The following MED1 variants were observed in gnomAD, a reference collection of about 807,000 sequenced individuals.
MED1 encodes mediator of RNA polymerase II transcription subunit 1.
Under a neutral mutation model 121.3 loss-of-function variants are expected in MED1, and 17 were observed. The observed-to-expected ratio is 0.14, with a 90% CI of 0.10 to 0.21. The LOEUF is 0.21. Among genes scored for constraint, MED1 ranks in the 10% least tolerant of loss-of-function variants. MED1 has a pLI of 1.00. For synonymous variants in MED1, 661 were observed against 694.4 expected (o/e 0.95, Z 0.76); for missense variants, 1,558 against 1,919.4 (o/e 0.81, Z 3.52).
Position 39,405,890 on chromosome 17 carries a change from A to C in MED1, c.*1585T>G. On this transcript the variant is annotated 3_prime_UTR_variant, in exon 17 of 17. Transcript: ENST00000300651. ...ATGAAGTCACTCCACTTACGACATAACACACAAAGGAATCACCTGGCTTTT... is the reference window on the plus strand; with the variant it reads ...ATGAAGTCACTCCACTTACGACATACCACACAAAGGAATCACCTGGCTTTT... 1 of 985,572 alleles carries C rather than the reference A, an allele frequency of 1.0e-6. No individual in the cohort carries two copies. The highest frequency in any genetic ancestry group is 1.2e-6 in the Non-Finnish European group (1 of 829,972). The allele number at this position is 985,572 out of a possible 1,614,324, so 61.1% of individuals were successfully genotyped here.
chr17:39,421,385 A>C (rs1238951123), intron 13 of MED1, among the ~76,000 whole-genome samples: 1 of 151,796 alleles, frequency 6.6e-6, no homozygotes, highest in African/African-American at 2.4e-5. Flanking sequence ...CCCCGTCTCT[A>C]CTAAAAATAC....
chr17:39,426,620 C>T (rs767887617), intron 10 of MED1, among the ~76,000 whole-genome samples: 1 of 150,974 alleles, frequency 6.6e-6, no homozygotes, highest in African/African-American at 2.4e-5. Context: ...CTGCAACCTC[C>T]GCCTCCCAGG....
At chr17:39,425,391 A>G (rs2048505670) in intron 10 of MED1, among the ~76,000 whole-genome samples, 1 of 152,102 alleles carries the variant, frequency 6.6e-6, no homozygotes, top group African/African-American at 2.4e-5. Flanking sequence ...TGGGGGTTTC[A>G]TCAGGTTGGC....
At chr17:39,423,879 C>T (rs926081505) in intron 11 of MED1, 58 bp from the exon 12 acceptor site, 47 of 1,540,160 alleles carry the variant, frequency 3.1e-5, no homozygotes, top group African/African-American at 7.0e-5. Context: ...AATGAAAAAC[C>T]CAAACACCTT....
rs991992276 is a variant in MED1 at position 39,431,317 on chromosome 17, G to A, written c.576-129C>T. ...TTTGAGACGGAGTTTCGCTCTTGTC[G>A]CCCAGGCTGAAGTGCAGTGGTACAA... is the stretch of plus-strand genomic sequence containing the variant. On this transcript the variant is annotated intron_variant, in intron 8 of 16. Coordinates refer to ENST00000300651, the MANE Select transcript of MED1 (RefSeq NM_004774.4). 32 of 713,452 alleles carry A rather than the reference G, an allele frequency of 4.5e-5. No individual in the cohort carries two copies. The Admixed American group carries it at 5.3e-4, about 12-fold the overall frequency. 44.2% of individuals were successfully genotyped at this position (713,452 alleles called of 1,614,324 possible). A position where few individuals can be genotyped will look rare whatever the true frequency, so the allele number is the denominator to read the frequency against.
intron 3 of MED1, 126 bp downstream of exon 3, chr17:39,443,424 G>A: frequency 4.4e-6 from 3 of 680,500 alleles, no homozygotes; most frequent in Non-Finnish European, 7.7e-6. Context: ...ATAAATGAAT[G>A]CAAGAGCAAT....
chr17:39,409,263 G>T lies in MED1; in HGVS notation c.2958C>A (p.Pro986=). The part of the protein sequence containing the change: ...NGTSNSTLSG[P]GLDSKPGKRS... ...GCTTCCCTGGTTTGCTGTCTAATCC[G>T]GGCCCCGAGAGAGTACTATTACTGG... The change falls in exon 17 of 17, where the codon CCC becomes CCA. Residue 986 remains proline (P), a synonymous_variant. Transcript: ENST00000300651. 6.2e-7 allele frequency: 1 copy of T among 1,613,970 alleles called. No homozygotes were observed.
intron 6 of MED1, among the ~76,000 whole-genome samples, chr17:39,435,566 G>A (rs2048610427): frequency 6.6e-6 from 1 of 152,060 alleles, no homozygotes; most frequent in Non-Finnish European, 1.5e-5. Flanking sequence ...AGCATTTACT[G>A]AGCACTTACA....
chr17:39,409,820 G>A lies in MED1; in HGVS notation c.2401C>T (p.Pro801Ser). 11 of 1,614,132 alleles carry A rather than the reference G, an allele frequency of 6.8e-6. No homozygotes were observed. The highest frequency in any genetic ancestry group is 9.3e-6 in the Non-Finnish European group (11 of 1,180,032). The stretch of plus-strand genomic sequence containing the variant: ...TCTCGAAGAGGGGTGCCAATGGCTG[G>A]GCAATCATCACTAGTGCTGGGAAGT... Reference protein sequence around the residue: ...SKLPSTSDDCPAIGTPLRDSS... With the variant: ...SKLPSTSDDCSAIGTPLRDSS... Residue 801 changes from proline to serine, a missense_variant, in exon 17 of 17, where the codon CCA (proline) becomes TCA (serine). Pro to Ser is a moderately conservative substitution (Grantham distance 74). This residue lies in a region of MED1 where 793 missense variants were observed against 898.2 expected (regional missense o/e 0.88). Transcript: ENST00000300651.
chr17:39,446,469 C>A (rs1442553697), intron 2 of MED1, among the ~76,000 whole-genome samples: 12 of 117,260 alleles, frequency 1.0e-4, no homozygotes, highest in African/African-American at 3.5e-4. Context: ...AAAAAAAAAA[C>A]GATTTCTACA....
chr17:39,442,060 G>C (rs1331067889), intron 3 of MED1, among the ~76,000 whole-genome samples: 1 of 150,396 alleles, frequency 6.6e-6, no homozygotes, highest in East Asian at 2.0e-4. Flanking sequence ...CAGAGATCGT[G>C]CCACTGCACT....
At chr17:39,414,942 A>T in intron 16 of MED1, 84 bp downstream of exon 16, 1 of 1,196,852 alleles carries the variant, frequency 8.4e-7, no homozygotes, top group Non-Finnish European at 1.2e-6. Context: ...TGTGGGGATT[A>T]CAGGCGTGAG....
chr17:39,443,478 T>G (rs2048698369), intron 3 of MED1, 72 bp downstream of exon 3: 1 of 1,342,396 alleles, frequency 7.4e-7, no homozygotes, highest in Non-Finnish European at 1.1e-6. Context: ...TTACTTCTAG[T>G]TTAAGTATAA....
chr17:39,451,144 G>A lies in MED1; in HGVS notation c.-82C>T, dbSNP rs1045871865. 3 of 1,534,632 alleles carry A rather than the reference G, an allele frequency of 2.0e-6. No homozygotes were observed. Among genetic ancestry groups the A allele is most frequent in the Non-Finnish European group, 2.7e-6 (3 of 1,115,308 alleles). ...TAACGGAGGAAACAAGTTGGCTCGG[G>A]ATCCCGGGACGCAGGGCACCAGCAG... On this transcript the variant is annotated 5_prime_UTR_variant, in exon 1 of 17. Transcript: ENST00000300651.
chr17:39,447,776 C>T (rs367774818), intron 2 of MED1, 22 bp downstream of exon 2: 14 of 1,538,438 alleles, frequency 9.1e-6, no homozygotes, highest in Non-Finnish European at 1.3e-5. Context: ...AAACACTTTA[C>T]CCACTTCACC....
chr17:39,443,444 A>G, intron 3 of MED1, 106 bp downstream of exon 3: 1 of 871,766 alleles, frequency 1.1e-6, no homozygotes, highest in East Asian at 2.5e-5. Context: ...TATCTAATAC[A>G]TAAAGTTGAC....
At chr17:39,435,588 T>C (rs956522979) in intron 6 of MED1, among the ~76,000 whole-genome samples, 9 of 152,178 alleles carry the variant, frequency 5.9e-5, no homozygotes, top group Admixed American at 1.3e-4. Context: ...TCAACAGTGC[T>C]ATTAAGACAG....
intron 3 of MED1, among the ~76,000 whole-genome samples, chr17:39,442,996 CTTTTTTTTTTT>C (rs754729976): frequency 7.2e-5 from 6 of 82,884 alleles, no homozygotes; most frequent in Admixed American, 3.4e-4. Flanking sequence ...TCCCAGGTAT[CTTTTTTTTTTT>C]TTTTTTTTTT....
chr17:39,431,276 CTT>C, intron 8 of MED1, 88 bp from the exon 9 acceptor site: 2 of 1,024,910 alleles, frequency 2.0e-6, no homozygotes, highest in Non-Finnish European at 1.4e-6. Flanking sequence ...TCTCCGAAGT[CTT>C]GTCTTTTTTT....
Sources: gnomAD v4.1 joint callset for allele counts (sites outside exome capture counted in the v4.1 genomes callset) on GRCh38, gnomAD v4.1.1 for gene constraint, gnomAD v4.1.1 regional missense constraint, MANE v1.5 for transcripts, NCBI Gene and HGNC (gene_info 2026-07-23, HGNC 2026-07-21) for gene names.